The following MMP16 variants were observed in gnomAD, a reference collection of about 807,000 sequenced individuals.
The protein encoded by MMP16 is matrix metallopeptidase 16, also known as matrix metalloproteinase-16.
A neutral mutation model predicts 67.8 loss-of-function variants in MMP16; 12 were observed. That is an observed-to-expected ratio of 0.18 (90% CI 0.11 to 0.29). MMP16 has a LOEUF of 0.29. Ranked by LOEUF, MMP16 falls within the 10% of genes least tolerant of loss-of-function variation. MMP16 has a pLI of 1.00. For missense variants in MMP16, 475 were observed against 765.7 expected (o/e 0.62, Z 4.48); for synonymous variants, 249 against 255.9 (o/e 0.97, Z 0.26).
chr8:88,101,508 A>G (rs773611333), intron 6 of MMP16, among the ~76,000 whole-genome samples: 4 of 151,866 alleles, frequency 2.6e-5, no homozygotes, highest in Non-Finnish European at 4.4e-5. Context: ...GCCAGCTCTT[A>G]TATCAGCTCC....
chr8:88,147,747 G>A (rs946397812), intron 4 of MMP16, among the ~76,000 whole-genome samples: 1 of 150,806 alleles, frequency 6.6e-6, no homozygotes, highest in African/African-American at 2.4e-5. Flanking sequence ...TCCTCTCTTT[G>A]GTCCACAGTA....
intron 4 of MMP16, among the ~76,000 whole-genome samples, chr8:88,158,741 A>G (rs1043307221): frequency 4.6e-5 from 7 of 152,164 alleles, no homozygotes; most frequent in Non-Finnish European, 7.3e-5. Flanking sequence ...GTCCTTGCCC[A>G]TGCCTATGTC....
intron 1 of MMP16, among the ~76,000 whole-genome samples, chr8:88,236,659 G>C (rs927778634): frequency 3.3e-5 from 5 of 152,116 alleles, no homozygotes; most frequent in African/African-American, 1.2e-4. Context: ...TGAGGTGGGA[G>C]GGTCGTTAGA....
At chr8:88,165,546 T>C (rs1254855525) in intron 4 of MMP16, among the ~76,000 whole-genome samples, 1 of 152,120 alleles carries the variant, frequency 6.6e-6, no homozygotes, top group African/African-American at 2.4e-5. Flanking sequence ...ATTTCTTATA[T>C]TATTTAAAAT....
chr8:88,178,043 T>C (rs1808921460), intron 3 of MMP16, among the ~76,000 whole-genome samples: 2 of 151,990 alleles, frequency 1.3e-5, no homozygotes, highest in African/African-American at 4.8e-5. Flanking sequence ...GAAATTCAGT[T>C]ACAGCCAACA....
rs1228858772 is a variant in MMP16 at position 88,037,370 on chromosome 8, A to AC, written c.*4090dup. 2 of 151,848 alleles carry AC rather than the reference A, an allele frequency of 1.3e-5. No homozygotes were observed. The highest frequency in any genetic ancestry group is 2.9e-5 in the Non-Finnish European group (2 of 67,870). 9.4% of individuals were successfully genotyped at this position (151,848 alleles called of 1,614,324 possible). A position where few individuals can be genotyped will look rare whatever the true frequency, so the allele number is the denominator to read the frequency against. On this transcript the variant is annotated 3_prime_UTR_variant, in exon 10 of 10. Coordinates refer to ENST00000286614, the MANE Select transcript of MMP16 (RefSeq NM_005941.5). The stretch of plus-strand genomic sequence containing the variant: ...AAAGGTAACACTTGCTTATGTGTTA[A>AC]CAAAAAAAGATTATAGGTAATTATT...
At chr8:88,225,137 C>T (rs1376887540) in intron 1 of MMP16, among the ~76,000 whole-genome samples, 1 of 151,866 alleles carries the variant, frequency 6.6e-6, no homozygotes, top group East Asian at 1.9e-4. Context: ...AATTCTGAAA[C>T]TATATAGTTT....
intron 4 of MMP16, among the ~76,000 whole-genome samples, chr8:88,148,809 T>C (rs992143300): frequency 2.6e-5 from 4 of 152,210 alleles, no homozygotes; most frequent in African/African-American, 9.6e-5. Context: ...AATCTCTACA[T>C]GTTACTTGTT....
chr8:88,115,118 G>A (rs1476767973), intron 6 of MMP16, among the ~76,000 whole-genome samples: 1 of 151,978 alleles, frequency 6.6e-6, no homozygotes, highest in Non-Finnish European at 1.5e-5. Flanking sequence ...CATATTCTCA[G>A]ATAAGGTTGA....
At chr8:88,125,077 T>G (rs913587674) in intron 4 of MMP16, among the ~76,000 whole-genome samples, 4 of 151,882 alleles carry the variant, frequency 2.6e-5, no homozygotes, top group Non-Finnish European at 4.4e-5. Flanking sequence ...ACCACAAAAT[T>G]TTTATGAACA....
At chr8:88,243,088 G>T (rs1207096239) in intron 1 of MMP16, among the ~76,000 whole-genome samples, 1 of 152,160 alleles carries the variant, frequency 6.6e-6, no homozygotes, top group Non-Finnish European at 1.5e-5. Context: ...ATGTTCTCAA[G>T]AATGGGAGTT....
At chr8:88,304,046 AT>A (rs1339441914) in intron 1 of MMP16, among the ~76,000 whole-genome samples, 1 of 152,208 alleles carries the variant, frequency 6.6e-6, no homozygotes, top group Admixed American at 6.5e-5. Context: ...ACTAAGAATC[AT>A]GATAAAAACA....
rs1018956125 is a variant in MMP16 at position 88,290,463 on chromosome 8, G to A, written c.132+36612C>T. On this transcript the variant is annotated intron_variant, in intron 1 of 9. Coordinates refer to ENST00000286614, the MANE Select transcript of MMP16 (RefSeq NM_005941.5). ...AGCTATTCAGGAGGCTGAGGCAGGA[G>A]AATGGAGTGAACCTGGGAGGCAGAG... Among the ~76,000 whole-genome samples, 7 of 152,118 alleles carry A rather than the reference G, an allele frequency of 4.6e-5. No individual in the cohort carries two copies. The South Asian group carries it at 1.4e-3, about 31-fold the overall frequency.
chr8:88,045,785 C>G (rs1228342267), intron 9 of MMP16, among the ~76,000 whole-genome samples: 2 of 152,088 alleles, frequency 1.3e-5, no homozygotes, highest in African/African-American at 4.8e-5. Flanking sequence ...ACTTGTTTGT[C>G]TTGCAAGAGA....
intron 1 of MMP16, among the ~76,000 whole-genome samples, chr8:88,312,360 A>T (rs370738372): frequency 6.6e-6 from 1 of 152,132 alleles, no homozygotes; most frequent in African/African-American, 2.4e-5. Flanking sequence ...TTTCCATCTT[A>T]ATTTAGGCTA....
intron 6 of MMP16, among the ~76,000 whole-genome samples, chr8:88,098,128 G>A (rs1250207860): frequency 1.3e-5 from 2 of 151,940 alleles, no homozygotes; most frequent in East Asian, 1.9e-4. Flanking sequence ...TATGCTCATC[G>A]ATATGTTTTA....
At chr8:88,233,210 ACACTC>A (rs1193070149) in intron 1 of MMP16, among the ~76,000 whole-genome samples, 1 of 152,158 alleles carries the variant, frequency 6.6e-6, no homozygotes, top group African/African-American at 2.4e-5. Context: ...TATTCCAACG[ACACTC>A]CACTCCTTAT....
intron 1 of MMP16, among the ~76,000 whole-genome samples, chr8:88,313,289 A>G (rs1811325536): frequency 6.6e-6 from 1 of 152,152 alleles, no homozygotes; most frequent in Non-Finnish European, 1.5e-5. Context: ...TGTCTCTGAA[A>G]TATTCTTTAT....
At chr8:88,101,864 AT>A (rs1270274340) in intron 6 of MMP16, among the ~76,000 whole-genome samples, 1 of 151,838 alleles carries the variant, frequency 6.6e-6, no homozygotes, top group Admixed American at 6.6e-5. Flanking sequence ...GATAGGACAT[AT>A]CCCTGCTATC....
Sources: gnomAD v4.1 joint callset for allele counts (sites outside exome capture counted in the v4.1 genomes callset) on GRCh38, gnomAD v4.1.1 for gene constraint, MANE v1.5 for transcripts, NCBI Gene and HGNC (gene_info 2026-07-23, HGNC 2026-07-21) for gene names.